GRIK1: variants seen among roughly 807,000 people sequenced by gnomAD.
The protein encoded by GRIK1 is glutamate receptor ionotropic, kainate 1.
Under a neutral mutation model 105.7 loss-of-function variants are expected in GRIK1, and 69 were observed. That is an observed-to-expected ratio of 0.65 (90% confidence interval 0.54 to 0.80). The LOEUF (loss-of-function observed/expected upper bound fraction) is 0.80. Among genes scored for constraint, GRIK1 ranks in the 30% least tolerant of loss-of-function variants. The probability of loss-of-function intolerance (pLI) is 0.00; values close to 1 mark genes in which losing one functional copy is unlikely to be tolerated. For missense variants in GRIK1, 1,109 were observed against 1,167.3 expected (o/e 0.95, Z 0.73); for synonymous variants, 438 against 431.3 (o/e 1.02, Z -0.19).
chr21:29,807,855 T>G (rs776410030), intron 1 of GRIK1, among the ~76,000 whole-genome samples: 2 of 152,114 alleles, frequency 1.3e-5, no homozygotes, highest in Non-Finnish European at 2.9e-5. Context: ...GAGTTGTGGA[T>G]TCCTGATAGC....
chr21:29,577,141 A>G lies in GRIK1; in HGVS notation c.1953T>C (p.Val651=). 1.2e-6 allele frequency: 2 copies of G among 1,612,042 alleles called. No homozygotes were observed. The highest frequency in any genetic ancestry group is 1.7e-6 in the Non-Finnish European group (2 of 1,178,114). The part of the protein sequence containing the change: ...LMPKALSTRI[V]GGIWWFFTLI... ...GGGTGAAAAACCACCATATCCCTCC[A>G]ACTATTCTGGTCGATAGAGCTTTGG... The change falls in exon 14 of 18, where the codon GTT becomes GTC. Residue 651 remains valine (V), a synonymous_variant. Transcript: ENST00000327783.
At chr21:29,587,033 C>T (rs2091143976) in intron 12 of GRIK1, among the ~76,000 whole-genome samples, 1 of 152,060 alleles carries the variant, frequency 6.6e-6, no homozygotes, top group South Asian at 2.1e-4. Flanking sequence ...GACCATTTTA[C>T]AATTCCTATG....
intron 1 of GRIK1, among the ~76,000 whole-genome samples, chr21:29,868,085 C>T (rs968251587): frequency 3.3e-5 from 5 of 151,692 alleles, no homozygotes; most frequent in South Asian, 2.1e-4. Flanking sequence ...TAGGTGATGA[C>T]GGGAGAGAAA....
chr21:29,934,862 T>A (rs1234413693), intron 1 of GRIK1, among the ~76,000 whole-genome samples: 9 of 152,068 alleles, frequency 5.9e-5, no homozygotes, highest in African/African-American at 2.2e-4. Context: ...CAAAGATGAA[T>A]GACACAGGTA....
In GRIK1 at chr21:29,939,474, C is replaced by A. The variant is rs772575613; in HGVS notation, c.27G>T (p.Gln9His). The A allele has an allele frequency of 3.7e-5, 59 of 1,597,888 alleles. No individual in the cohort carries two copies. In the Middle Eastern group the frequency reaches 5.0e-4, roughly 14 times the overall value. Residue 9 changes from glutamine (Q) to histidine (H), a missense_variant, in exon 1 of 18, where the codon CAG (glutamine) becomes CAT (histidine). Physicochemically the swap from Gln to His is conservative, Grantham distance 24 (BLOSUM62 0). Coordinates refer to ENST00000327783, the MANE Select transcript of GRIK1 (RefSeq NM_001330994.2). ...TGGTGTCCCTGGTCCAGAGCCCGGG[C>A]TGGGCGAGGAGTGTGCCGTGCTCCA... MEHGTLLA[Q>H]PGLWTRDTSW...
At chr21:29,773,613 A>G (rs1348925525) in intron 1 of GRIK1, among the ~76,000 whole-genome samples, 5 of 152,144 alleles carry the variant, frequency 3.3e-5, no homozygotes, top group Admixed American at 2.0e-4. Context: ...GGATTCCTAT[A>G]TATCTCTACA....
intron 1 of GRIK1, among the ~76,000 whole-genome samples, chr21:29,884,165 CAT>C (rs901297731): frequency 2.0e-5 from 3 of 151,972 alleles, no homozygotes; most frequent in African/African-American, 7.2e-5. Context: ...TATGAGCAAA[CAT>C]ATTATATTTA....
At chr21:29,544,924 C>T (rs894839075) in intron 16 of GRIK1, among the ~76,000 whole-genome samples, 2 of 152,344 alleles carry the variant, frequency 1.3e-5, no homozygotes, top group African/African-American at 4.8e-5. Context: ...TGGGGGCAAA[C>T]TCCCATGCAG....
chr21:29,875,610 C>T (rs930875015), intron 1 of GRIK1, among the ~76,000 whole-genome samples: 3 of 152,056 alleles, frequency 2.0e-5, no homozygotes, highest in Admixed American at 6.5e-5. Flanking sequence ...CCTCTTTTTT[C>T]CCCCTTCTCT....
intron 7 of GRIK1, among the ~76,000 whole-genome samples, chr21:29,638,240 G>C (rs2062436804): frequency 6.6e-6 from 1 of 152,052 alleles, no homozygotes; most frequent in Admixed American, 6.6e-5. Flanking sequence ...TTACAATCAT[G>C]GCGGAAGGGG....
intron 1 of GRIK1, among the ~76,000 whole-genome samples, chr21:29,905,764 C>T (rs1252563859): frequency 1.4e-5 from 2 of 147,898 alleles, no homozygotes; most frequent in African/African-American, 5.1e-5. Context: ...GTAGCTGGGA[C>T]TACAGGCGCC....
intron 1 of GRIK1, among the ~76,000 whole-genome samples, chr21:29,723,071 C>A (rs2146864559): frequency 6.6e-6 from 1 of 152,272 alleles, no homozygotes; most frequent in Non-Finnish European, 1.5e-5. Context: ...GTAATCCCAG[C>A]ACTTTGGGAG....
intron 1 of GRIK1, among the ~76,000 whole-genome samples, chr21:29,816,180 A>G (rs1198714651): frequency 6.6e-6 from 1 of 152,166 alleles, no homozygotes; most frequent in Non-Finnish European, 1.5e-5. Context: ...AACGGCCAAC[A>G]GGTATATGAA....
intron 7 of GRIK1, among the ~76,000 whole-genome samples, chr21:29,631,779 A>T (rs768010194): frequency 5.3e-5 from 8 of 152,354 alleles, no homozygotes; most frequent in Non-Finnish European, 7.3e-5. Context: ...GGTTAAATAA[A>T]ATAAGTTATT....
At chr21:29,750,076 G>T (rs1569046002) in intron 1 of GRIK1, among the ~76,000 whole-genome samples, 1 of 151,954 alleles carries the variant, frequency 6.6e-6, no homozygotes, top group Admixed American at 6.6e-5. Context: ...TTTTTTTAAT[G>T]ATGGCATTTC....
intron 9 of GRIK1, chr21:29,596,022 C>T (rs2061406559): frequency 8.0e-6 from 2 of 249,796 alleles, no homozygotes; most frequent in Non-Finnish European, 1.6e-5. Context: ...TCACACAAAA[C>T]AAAAGATAGC....
In GRIK1 at chr21:29,638,476, A is replaced by C. The variant is rs117038411; in HGVS notation, c.1098+4350T>G. Among the ~76,000 whole-genome samples, 135 of 152,328 alleles carry C rather than the reference A, an allele frequency of 8.9e-4. 2 individuals carry two copies. The East Asian group carries it at 0.023, about 26-fold the overall frequency. On this transcript the variant is annotated intron_variant, in intron 7 of 17. Transcript: ENST00000327783. ...TTCGAGATGAGATTTGAGTGGGGAC[A>C]CAAAGCCAAACCATATCAGTTGTAC...
intron 1 of GRIK1, among the ~76,000 whole-genome samples, chr21:29,724,889 G>A (rs1241405865): frequency 6.6e-6 from 1 of 151,714 alleles, no homozygotes; most frequent in African/African-American, 2.4e-5. Context: ...TTTTCTTGGA[G>A]GTCATTTAAC....
intron 1 of GRIK1, among the ~76,000 whole-genome samples, chr21:29,856,943 A>G (rs1238484765): frequency 6.6e-6 from 1 of 152,144 alleles, no homozygotes; most frequent in East Asian, 1.9e-4. Context: ...GGAGCTCTGC[A>G]TTGATGGGAT....
Sources: allele counts gnomAD v4.1 joint callset (sites outside exome capture counted in the v4.1 genomes callset), GRCh38; gene constraint gnomAD v4.1.1; transcripts MANE v1.5; gene names NCBI Gene and HGNC (gene_info 2026-07-23, HGNC 2026-07-21).